The following RCOR3 variants were observed in gnomAD, a reference collection of about 807,000 sequenced individuals.
The protein encoded by RCOR3 is REST corepressor 3.
Under a neutral mutation model 64.1 loss-of-function variants are expected in RCOR3, and 13 were observed. The ratio of observed to expected loss-of-function variants is 0.20; its 90% CI spans 0.13 to 0.32. The LOEUF (loss-of-function observed/expected upper bound fraction) is 0.32. Ranked by LOEUF, RCOR3 falls within the 10% of genes least tolerant of loss-of-function variation. RCOR3 has a pLI of 1.00. For synonymous variants in RCOR3, 215 were observed against 239.0 expected, an observed-to-expected ratio of 0.90 and a Z score of 0.93; for missense variants, 489 against 701.2, an observed-to-expected ratio of 0.70 and a Z score of 3.42.
chr1:211,310,697 G>A (rs908829467), intron 10 of RCOR3, among the ~76,000 whole-genome samples: 2 of 152,150 alleles, frequency 1.3e-5, no homozygotes, highest in African/African-American at 4.8e-5. Context: ...GTCAGAAGAA[G>A]GGGCACTTAT....
In RCOR3 at chr1:211,276,313, C is replaced by T; in HGVS notation, c.411C>T (p.Leu137=). Residue 137 remains leucine (L), a synonymous_variant, in exon 5 of 12, where the codon CTC becomes CTT. Coordinates refer to ENST00000419091, the MANE Select transcript of RCOR3 (RefSeq NM_001136223.3). ...KHNIEKSLAD[L]PNFTPFPDEW... is the part of the protein sequence containing the mutation. ...ACATTGAGAAGTCCCTTGCTGATCTCCCTAATTTCACTCCCTTTCCGGATG... is the reference window on the plus strand; with the variant it reads ...ACATTGAGAAGTCCCTTGCTGATCTTCCTAATTTCACTCCCTTTCCGGATG... 4 of 1,614,004 alleles carry T rather than the reference C, an allele frequency of 2.5e-6. No individual in the cohort carries two copies. The highest frequency in any genetic ancestry group is 3.4e-6 in the Non-Finnish European group (4 of 1,179,922).
At chr1:211,259,927 C>CCG in intron 1 of RCOR3, 181 bp from the exon 2 acceptor site, 1 of 857,538 alleles carries the variant, frequency 1.2e-6, no homozygotes, top group Non-Finnish European at 1.7e-6. Context: ...CGCCTTTGCC[C>CCG]CCCCCCGCTC....
At position 211,273,631 on chromosome 1, in the gene RCOR3, A is replaced by G. The variant is rs1275505324; in HGVS notation, c.302-579A>G. Among the ~76,000 whole-genome samples the G allele has an allele frequency of 5.3e-5, 8 of 152,216 alleles. No individual in the cohort carries two copies. The East Asian group carries it at 1.5e-3, about 29-fold the overall frequency. ...TTATCTAAATAATTCTGTTGGCTTAATTACGTATGGAAGATAAATGAAAGT... is the reference window on the plus strand; with the variant it reads ...TTATCTAAATAATTCTGTTGGCTTAGTTACGTATGGAAGATAAATGAAAGT... On this transcript the variant is annotated intron_variant, in intron 3 of 11. Transcript: ENST00000419091.
chr1:211,259,924 G>GGC, intron 1 of RCOR3, 184 bp from the exon 2 acceptor site: 2 of 459,852 alleles, frequency 4.3e-6, no homozygotes, highest in African/African-American at 3.6e-5. Flanking sequence ...CTCCGCCTTT[G>GGC]CCCCCCCCCG....
At chr1:211,297,312 A>T (rs894394780) in intron 9 of RCOR3, among the ~76,000 whole-genome samples, 1 of 152,158 alleles carries the variant, frequency 6.6e-6, no homozygotes, top group Non-Finnish European at 1.5e-5. Context: ...ATGTAAATCC[A>T]TACAGATAGG....
At chr1:211,269,250 G>T (rs947037782) in intron 2 of RCOR3, among the ~76,000 whole-genome samples, 8 of 152,038 alleles carry the variant, frequency 5.3e-5, no homozygotes, top group African/African-American at 1.9e-4. Flanking sequence ...GATCATCTGA[G>T]GTTGGGAGTT....
chr1:211,262,822 G>T (rs1238011173), intron 2 of RCOR3, among the ~76,000 whole-genome samples: 8 of 142,938 alleles, frequency 5.6e-5, no homozygotes, highest in South Asian at 2.2e-4. Context: ...ATGGCCACTG[G>T]TTTTTTTTTT....
intron 2 of RCOR3, among the ~76,000 whole-genome samples, chr1:211,262,032 A>AATTT (rs1558035836): frequency 5.3e-5 from 2 of 37,980 alleles, no homozygotes; most frequent in African/African-American, 8.6e-5. Context: ...AGCTATAAAA[A>AATTT]CTTTTTTTTT....
intron 7 of RCOR3, among the ~76,000 whole-genome samples, chr1:211,287,996 GTC>G (rs776172996): frequency 1.8e-4 from 28 of 152,084 alleles, no homozygotes; most frequent in Non-Finnish European, 4.0e-4. Context: ...GATCACTTGA[GTC>G]TAGGAGTTTG....
chr1:211,270,796 A>G (rs959442685), intron 2 of RCOR3, among the ~76,000 whole-genome samples: 1 of 119,794 alleles, frequency 8.3e-6, no homozygotes, highest in Non-Finnish European at 1.7e-5. Flanking sequence ...CTGTTTTCCT[A>G]TATTTTCTTT....
intron 8 of RCOR3, among the ~76,000 whole-genome samples, chr1:211,295,472 G>A (rs1255535019): frequency 6.6e-6 from 1 of 152,126 alleles, no homozygotes; most frequent in Non-Finnish European, 1.5e-5. Context: ...TATTCAGAGT[G>A]TTTTAGTCTG....
Position 211,276,382 on chromosome 1 carries a change from T to C in RCOR3, c.480T>C (p.Ser160=). The change falls in exon 5 of 12, where the codon AGT becomes AGC. Residue 160 remains serine (S), a synonymous_variant. Coordinates refer to ENST00000419091, the MANE Select transcript of RCOR3 (RefSeq NM_001136223.3). The stretch of plus-strand genomic sequence containing the variant: ...AAGTCCTATTTGAACAAGCCTTTAG[T>C]TTTCATGGAAAGAGCTTTCACAGGA... ...EDKVLFEQAF[S]FHGKSFHRIQ... The C allele has an allele frequency of 1.2e-6, 2 of 1,613,348 alleles. No individual in the cohort carries two copies. The highest frequency in any genetic ancestry group is 1.7e-6 in the Non-Finnish European group (2 of 1,179,538).
At chr1:211,295,612 T>C (rs1699784218) in intron 8 of RCOR3, 64 bp from the exon 9 acceptor site, 2 of 1,306,560 alleles carry the variant, frequency 1.5e-6, no homozygotes, top group African/African-American at 2.9e-5. Flanking sequence ...TTTCACTTAA[T>C]TGAGTACTCA....
intron 9 of RCOR3, 119 bp downstream of exon 9, chr1:211,295,872 T>G (rs539198881): frequency 1.6e-6 from 1 of 639,254 alleles, no homozygotes; most frequent in African/African-American, 1.8e-5. Flanking sequence ...TTTCATAATA[T>G]GGATAATTTA....
intron 2 of RCOR3, among the ~76,000 whole-genome samples, chr1:211,263,060 C>T (rs1302429100): frequency 6.4e-5 from 8 of 125,806 alleles, no homozygotes; most frequent in African/African-American, 9.1e-5. Context: ...GTGTGATGTT[C>T]CCCTTCCTGT....
At chr1:211,273,769 A>G (rs766809073) in intron 3 of RCOR3, among the ~76,000 whole-genome samples, 6 of 152,222 alleles carry the variant, frequency 3.9e-5, no homozygotes, top group South Asian at 2.1e-4. Flanking sequence ...ACTATAAACT[A>G]TCCTTTATAC....
rs750969508 is a variant in RCOR3, at chr1:211,259,589, A to G, written c.29A>G (p.Glu10Gly). The G allele has an allele frequency of 9.7e-6, 15 of 1,545,868 alleles. No homozygotes were observed. Among genetic ancestry groups the G allele is most frequent in the Non-Finnish European group, 1.3e-5 (15 of 1,145,462 alleles). Residue 10 changes from glutamate to glycine, a missense_variant, in exon 1 of 12, where the codon GAG becomes GGG. Transcript: ENST00000419091. ...CCCGGCATGATGGAGAAAGGGCCCG[A>G]GTTACTGGGGAAGAACCGATCGGCC... is the stretch of plus-strand genomic sequence containing the variant. MPGMMEKGP[E>G]LLGKNRSANG...
intron 8 of RCOR3, 74 bp from the exon 9 acceptor site, chr1:211,295,602 T>A: frequency 8.2e-7 from 1 of 1,224,320 alleles, no homozygotes; most frequent in Non-Finnish European, 1.2e-6. Context: ...AATATATTCT[T>A]TTCACTTAAT....
intron 10 of RCOR3, among the ~76,000 whole-genome samples, chr1:211,309,725 T>C (rs1004539372): frequency 2.6e-5 from 4 of 152,180 alleles, no homozygotes; most frequent in African/African-American, 9.7e-5. Flanking sequence ...TTTTATCAAC[T>C]ATGAAAAAAT....
Sources: gnomAD v4.1 joint callset for allele counts (sites outside exome capture counted in the v4.1 genomes callset) on GRCh38, gnomAD v4.1.1 for gene constraint, MANE v1.5 for transcripts, NCBI Gene and HGNC (gene_info 2026-07-23, HGNC 2026-07-21) for gene names.